The following SGCZ variants were observed in gnomAD, a reference collection of about 807,000 sequenced individuals.
SGCZ encodes the protein zeta-sarcoglycan.
A neutral mutation model predicts 41.3 loss-of-function variants in SGCZ; 40 were observed. That is an observed-to-expected ratio of 0.97 (90% CI 0.75 to 1.26). SGCZ has a LOEUF of 1.26. SGCZ is among the 50% of genes most tolerant of loss of function. The pLI, the probability that SGCZ is intolerant of heterozygous loss-of-function variation, is 0.00. For missense variants in SGCZ, 552 were observed against 369.8 expected (o/e 1.49, Z -4.04); for synonymous variants, 206 against 137.5 (o/e 1.50, Z -3.49).
chr8:14,093,256 G>A (rs1378230911), intron 7 of SGCZ, among the ~76,000 whole-genome samples: 1 of 146,478 alleles, frequency 6.8e-6, no homozygotes, highest in African/African-American at 2.8e-5. Flanking sequence ...TCCCCTATCT[G>A]GCCTCCTGGT....
At chr8:14,738,211 T>G (rs553279525) in intron 1 of SGCZ, among the ~76,000 whole-genome samples, 1 of 152,110 alleles carries the variant, frequency 6.6e-6, no homozygotes, top group Admixed American at 6.6e-5. Context: ...TTCCCATCAT[T>G]TATCTTCTTT....
intron 3 of SGCZ, among the ~76,000 whole-genome samples, chr8:14,240,024 C>G (rs1437054200): frequency 6.7e-6 from 1 of 149,892 alleles, no homozygotes; most frequent in East Asian, 2.0e-4. Context: ...GAGAAATAGA[C>G]TTGTTAGAAT....
chr8:14,341,046 G>T (rs1039292914), intron 2 of SGCZ, among the ~76,000 whole-genome samples: 4 of 152,078 alleles, frequency 2.6e-5, no homozygotes, highest in Non-Finnish European at 5.9e-5. Flanking sequence ...TTGTCCTTTT[G>T]TATATGACTT....
chr8:14,439,372 C>T (rs1470796048), intron 2 of SGCZ, among the ~76,000 whole-genome samples: 3 of 148,848 alleles, frequency 2.0e-5, no homozygotes, highest in Non-Finnish European at 4.5e-5. Context: ...AACATTAAAA[C>T]AATTAACAAA....
intron 1 of SGCZ, among the ~76,000 whole-genome samples, chr8:15,128,136 C>T (rs1288590308): frequency 6.6e-6 from 1 of 152,098 alleles, no homozygotes; most frequent in Non-Finnish European, 1.5e-5. Flanking sequence ...TCCCCTCATT[C>T]CACAAGAGCT....
intron 1 of SGCZ, among the ~76,000 whole-genome samples, chr8:14,638,939 A>C (rs1806925442): frequency 6.6e-6 from 1 of 151,818 alleles, no homozygotes; most frequent in Non-Finnish European, 1.5e-5. Context: ...TAAACATTTC[A>C]AAATTCACCT....
At chr8:14,284,461 G>A (rs13278809) in intron 3 of SGCZ, among the ~76,000 whole-genome samples, 10 of 152,126 alleles carry the variant, frequency 6.6e-5, no homozygotes, top group Non-Finnish European at 1.5e-4. Flanking sequence ...TGGTGGATGT[G>A]CACATATATC....
At chr8:14,689,563 C>G (rs1425744784) in intron 1 of SGCZ, among the ~76,000 whole-genome samples, 1 of 152,122 alleles carries the variant, frequency 6.6e-6, no homozygotes, top group South Asian at 2.1e-4. Context: ...TTTGTTATTA[C>G]TAACATAATT....
At chr8:14,717,942 G>A (rs977985052) in intron 1 of SGCZ, among the ~76,000 whole-genome samples, 1 of 149,916 alleles carries the variant, frequency 6.7e-6, no homozygotes, top group Admixed American at 6.7e-5. Context: ...TTAATCATAT[G>A]ACTCTTTTAT....
chr8:14,918,072 A>G (rs778842845), intron 1 of SGCZ, among the ~76,000 whole-genome samples: 1 of 152,294 alleles, frequency 6.6e-6, no homozygotes, highest in African/African-American at 2.4e-5. Context: ...ACTTCTGTTA[A>G]AAATGATTGC....
intron 1 of SGCZ, among the ~76,000 whole-genome samples, chr8:14,700,206 G>C (rs376039670): frequency 2.0e-5 from 3 of 151,912 alleles, no homozygotes; most frequent in African/African-American, 7.2e-5. Context: ...AAATCAACCT[G>C]GATGCCCATC....
chr8:14,886,211 T>A (rs930647843), intron 1 of SGCZ, among the ~76,000 whole-genome samples: 1 of 151,692 alleles, frequency 6.6e-6, no homozygotes. Flanking sequence ...TTAGCATACT[T>A]CATTTCAACA....
At chr8:14,188,018 G>C (rs1007831104) in intron 4 of SGCZ, among the ~76,000 whole-genome samples, 2 of 152,032 alleles carry the variant, frequency 1.3e-5, no homozygotes, top group African/African-American at 4.8e-5. Flanking sequence ...CAATGGAGAG[G>C]AAGTAGTAGG....
intron 1 of SGCZ, among the ~76,000 whole-genome samples, chr8:15,210,656 T>A (rs1042682842): frequency 6.6e-6 from 1 of 152,182 alleles, no homozygotes; most frequent in African/African-American, 2.4e-5. Context: ...ATGCAAAGTA[T>A]GAGCAATCCA....
intron 1 of SGCZ, among the ~76,000 whole-genome samples, chr8:15,146,798 C>T (rs1270274351): frequency 6.6e-6 from 1 of 152,014 alleles, no homozygotes. Flanking sequence ...ATGATCTTTT[C>T]TGAATTATTC....
Position 15,034,906 on chromosome 8 carries a change from A to C in SGCZ, c.39+202679T>G, listed in dbSNP as rs555472113. Among the ~76,000 whole-genome samples, 32 of 152,348 alleles carry C rather than the reference A, an allele frequency of 2.1e-4. No homozygotes were observed. The South Asian group carries it at 6.6e-3, about 32-fold the overall frequency. On this transcript the variant is annotated intron_variant, in intron 1 of 7. Transcript: ENST00000382080. ...CAGATAAATATTTTTCCAGATAAAC[A>C]AAACTGAAGTAATTCAGTACCATCG...
chr8:14,646,657 T>C (rs778405468), intron 1 of SGCZ, among the ~76,000 whole-genome samples: 32 of 151,576 alleles, frequency 2.1e-4, no homozygotes, highest in Non-Finnish European at 4.1e-4. Flanking sequence ...AGATAATAGT[T>C]TCCTAACAGC....
chr8:14,872,267 T>C (rs776522687), intron 1 of SGCZ, among the ~76,000 whole-genome samples: 1 of 152,122 alleles, frequency 6.6e-6, no homozygotes, highest in Non-Finnish European at 1.5e-5. Context: ...TGTATACCTA[T>C]GTAACAAACC....
At chr8:15,157,253 C>A (rs1289367820) in intron 1 of SGCZ, among the ~76,000 whole-genome samples, 1 of 151,914 alleles carries the variant, frequency 6.6e-6, no homozygotes, top group Non-Finnish European at 1.5e-5. Flanking sequence ...TAGCGCATGG[C>A]TAGGCAGGGT....
Sources: gnomAD v4.1 joint callset for allele counts (sites outside exome capture counted in the v4.1 genomes callset) on GRCh38, gnomAD v4.1.1 for gene constraint, MANE v1.5 for transcripts, NCBI Gene and HGNC (gene_info 2026-07-23, HGNC 2026-07-21) for gene names.